The following ABTB3 variants were observed in gnomAD, a reference collection of about 807,000 sequenced individuals.
ABTB3 encodes ankyrin repeat- and BTB/POZ domain-containing protein 3.
chr12:107,523,920 C>T, the ABTB3 span, among the ~76,000 whole-genome samples: 1 of 152,194 alleles, frequency 6.6e-6, no homozygotes, highest in Non-Finnish European at 1.5e-5. Flanking sequence ...CCCACACACA[C>T]TGTCCCTAAG....
the ABTB3 span, among the ~76,000 whole-genome samples, chr12:107,433,969 G>A: frequency 1.3e-5 from 2 of 152,122 alleles, no homozygotes; most frequent in African/African-American, 4.8e-5. Context: ...AGCTCTCTGG[G>A]GTCCATTTTA....
the ABTB3 span, among the ~76,000 whole-genome samples, chr12:107,325,897 C>T: frequency 6.6e-6 from 1 of 152,162 alleles, no homozygotes; most frequent in South Asian, 2.1e-4. Flanking sequence ...ATTATAGTTA[C>T]ATCAGCTATG....
At chr12:107,335,179 C>T in the ABTB3 span, among the ~76,000 whole-genome samples, 20 of 150,804 alleles carry the variant, frequency 1.3e-4, no homozygotes, top group African/African-American at 2.7e-4. Context: ...CCCATCTACT[C>T]GGGAGCCTGA....
At chr12:107,491,779 C>T in the ABTB3 span, among the ~76,000 whole-genome samples, 43 of 148,262 alleles carry the variant, frequency 2.9e-4, 1 homozygote, top group East Asian at 2.8e-3. Flanking sequence ...GCGGAGATCA[C>T]GTCACCGCAC....
chr12:107,350,543 C>T, the ABTB3 span, among the ~76,000 whole-genome samples: 2 of 147,658 alleles, frequency 1.4e-5, no homozygotes, highest in Non-Finnish European at 3.0e-5. Context: ...GAGAGTCCGT[C>T]TCAAAAAAAA....
chr12:107,570,087 T>A, the ABTB3 span, among the ~76,000 whole-genome samples: 2 of 152,210 alleles, frequency 1.3e-5, no homozygotes, highest in Non-Finnish European at 2.9e-5. Context: ...AAATATAATC[T>A]TCATGCTGGA....
At chr12:107,328,345 G>C in the ABTB3 span, among the ~76,000 whole-genome samples, 2 of 152,230 alleles carry the variant, frequency 1.3e-5, no homozygotes, top group African/African-American at 4.8e-5. Context: ...TAATGAATGT[G>C]AAACGTTGAT....
chr12:107,509,212 C>A, the ABTB3 span, among the ~76,000 whole-genome samples: 1 of 152,084 alleles, frequency 6.6e-6, no homozygotes. Flanking sequence ...GAAAGGCTGA[C>A]CCCTGGGAGA....
At chr12:107,631,233 A>G in the ABTB3 span, among the ~76,000 whole-genome samples, 1 of 152,240 alleles carries the variant, frequency 6.6e-6, no homozygotes, top group Admixed American at 6.5e-5. Context: ...TCATTCACTT[A>G]GGATAATAGC....
the ABTB3 span, among the ~76,000 whole-genome samples, chr12:107,402,933 C>T: frequency 2.0e-5 from 3 of 152,160 alleles, no homozygotes; most frequent in Non-Finnish European, 2.9e-5. Context: ...TGTCCCCCCA[C>T]CCACCCCCAG....
the ABTB3 span, among the ~76,000 whole-genome samples, chr12:107,405,997 G>A: frequency 4.6e-5 from 7 of 152,170 alleles, no homozygotes; most frequent in Non-Finnish European, 8.8e-5. Flanking sequence ...TGTTTGAGGG[G>A]CAGCTTAGGG....
chr12:107,438,134 C>T, the ABTB3 span, among the ~76,000 whole-genome samples: 3 of 152,240 alleles, frequency 2.0e-5, no homozygotes, highest in South Asian at 4.1e-4. Context: ...TACAACCAGG[C>T]GCCGAGGCAT....
chr12:107,422,457 G>A, the ABTB3 span, among the ~76,000 whole-genome samples: 1 of 152,290 alleles, frequency 6.6e-6, no homozygotes, highest in African/African-American at 2.4e-5. Context: ...GACATGGTCT[G>A]CATTAGGCTT....
At chr12:107,383,559 T>C in the ABTB3 span, among the ~76,000 whole-genome samples, 1 of 152,028 alleles carries the variant, frequency 6.6e-6, no homozygotes, top group Admixed American at 6.5e-5. Flanking sequence ...TTAAATAGAG[T>C]CCAGCACATA....
At chr12:107,352,862 G>T in the ABTB3 span, among the ~76,000 whole-genome samples, 4 of 152,140 alleles carry the variant, frequency 2.6e-5, no homozygotes, top group Non-Finnish European at 5.9e-5. Context: ...GATGCCACTG[G>T]CCTATATGAA....
the ABTB3 span, among the ~76,000 whole-genome samples, chr12:107,401,435 A>C: frequency 1.3e-5 from 2 of 152,194 alleles, no homozygotes; most frequent in Non-Finnish European, 2.9e-5. Context: ...AGTCACCAGC[A>C]TTCCCAAGTG....
At chr12:107,551,134 A>G in the ABTB3 span, among the ~76,000 whole-genome samples, 4 of 152,214 alleles carry the variant, frequency 2.6e-5, no homozygotes, top group Admixed American at 2.6e-4. Context: ...TCAGAGGAAG[A>G]ATGCTACTTC....
At chr12:107,424,244 T>G in the ABTB3 span, among the ~76,000 whole-genome samples, 2 of 152,196 alleles carry the variant, frequency 1.3e-5, no homozygotes, top group African/African-American at 4.8e-5. Context: ...TGGGGTCTAA[T>G]TCAGGTTCAG....
At chr12:107,526,582 G>A in the ABTB3 span, among the ~76,000 whole-genome samples, 1 of 151,956 alleles carries the variant, frequency 6.6e-6, no homozygotes, top group African/African-American at 2.4e-5. Context: ...CAAGCTCCCA[G>A]TTAAACCCCC....
Sources: allele counts gnomAD v4.1 joint callset (sites outside exome capture counted in the v4.1 genomes callset), GRCh38; gene constraint gnomAD v4.1.1; transcripts MANE v1.5; gene names NCBI Gene and HGNC (gene_info 2026-07-23, HGNC 2026-07-21).